DAB1: variants seen among roughly 807,000 people sequenced by gnomAD.
DAB1 encodes the protein DAB adaptor protein 1, also known as disabled homolog 1.
A neutral mutation model predicts 64.6 loss-of-function variants in DAB1; 15 were observed. The ratio of observed to expected loss-of-function variants is 0.23; its 90% CI spans 0.16 to 0.36. The LOEUF (loss-of-function observed/expected upper bound fraction) is 0.36. Ranked by LOEUF, DAB1 falls within the 10% of genes least tolerant of loss-of-function variation. The pLI is 1.00. For missense variants in DAB1, 596 were observed against 706.7 expected, an observed-to-expected ratio of 0.84 and a Z score of 1.78; for synonymous variants, 235 against 251.9, an observed-to-expected ratio of 0.93 and a Z score of 0.64.
chr1:57,249,099 C>T (rs1001717430), intron 2 of DAB1, among the ~76,000 whole-genome samples: 1 of 152,188 alleles, frequency 6.6e-6, no homozygotes, highest in Non-Finnish European at 1.5e-5. Flanking sequence ...CAAGTGTCTA[C>T]TGAAGGCTTT....
chr1:57,820,973 A>C (rs1259277871), intron 6 of DAB1, among the ~76,000 whole-genome samples: 1 of 152,190 alleles, frequency 6.6e-6, no homozygotes, highest in Admixed American at 6.5e-5. Context: ...AGTACTTTAC[A>C]GCTTTTCCTT....
intron 4 of DAB1, among the ~76,000 whole-genome samples, chr1:57,095,752 G>A (rs1654103121): frequency 6.6e-6 from 1 of 152,088 alleles, no homozygotes; most frequent in Non-Finnish European, 1.5e-5. Context: ...TAAATAACGT[G>A]GGAAGTAAGG....
At chr1:57,298,730 A>G (rs1673398828) in intron 1 of DAB1, among the ~76,000 whole-genome samples, 1 of 152,236 alleles carries the variant, frequency 6.6e-6, no homozygotes, top group Non-Finnish European at 1.5e-5. Flanking sequence ...AGAAAGTTGG[A>G]GCAAAGAGAC....
chr1:58,282,629 G>A (rs189239938), intron 4 of DAB1, among the ~76,000 whole-genome samples: 40 of 152,018 alleles, frequency 2.6e-4, no homozygotes, highest in African/African-American at 8.7e-4. Flanking sequence ...AGTGTGGGGT[G>A]GGGAGCAGGC....
At chr1:57,525,442 T>TG in intron 7 of DAB1, among the ~76,000 whole-genome samples, 1 of 74,966 alleles carries the variant, frequency 1.3e-5, no homozygotes, top group Non-Finnish European at 3.2e-5. Flanking sequence ...TTAAGGAAAT[T>TG]GAAAAAAAGG....
intron 4 of DAB1, among the ~76,000 whole-genome samples, chr1:58,187,149 A>G (rs776950737): frequency 6.6e-6 from 1 of 152,138 alleles, no homozygotes; most frequent in African/African-American, 2.4e-5. Context: ...GATGGTGATG[A>G]AAGATTAATC....
intron 1 of DAB1, among the ~76,000 whole-genome samples, chr1:58,539,790 G>T (rs140857109): frequency 2.8e-4 from 43 of 152,258 alleles, no homozygotes; most frequent in African/African-American, 9.6e-4. Context: ...ATTGCCTGGA[G>T]AGTGCTTCCA....
chr1:57,553,442 G>GAAATAA (rs59263518), intron 7 of DAB1, among the ~76,000 whole-genome samples: 1 of 68,154 alleles, frequency 1.5e-5, no homozygotes, highest in Non-Finnish European at 2.8e-5. Flanking sequence ...AAGAAAGAAA[G>GAAATAA]AGAAAGAAAG....
intron 6 of DAB1, among the ~76,000 whole-genome samples, chr1:57,812,084 T>G (rs1651646527): frequency 6.6e-6 from 1 of 152,080 alleles, no homozygotes. Flanking sequence ...TTTCCTCTTC[T>G]GAATGGCAAA....
rs567589976 is a variant in DAB1 at position 57,743,712 on chromosome 1, C to T, written n.552-94047G>A. ...CTCGGTCCAGGAGACCCTAACCCAGCGGCGCTAGAGGAATTAAAGACACAC... is the reference window on the plus strand; with the variant it reads ...CTCGGTCCAGGAGACCCTAACCCAGTGGCGCTAGAGGAATTAAAGACACAC... On this transcript the variant is annotated intron_variant and non_coding_transcript_variant, in intron 6 of 20. Coordinates refer to the DAB1 transcript ENST00000485760. 4.6e-5 allele frequency among the ~76,000 whole-genome samples: 7 copies of T among 152,228 alleles called. 1 individual carries two copies. The highest frequency in any genetic ancestry group is 2.1e-4 in the South Asian group (1 of 4,814).
chr1:58,186,747 T>G (rs1265958007), intron 4 of DAB1, among the ~76,000 whole-genome samples: 2 of 152,214 alleles, frequency 1.3e-5, no homozygotes, highest in Non-Finnish European at 2.9e-5. Context: ...GAGCATTAAC[T>G]GGATATTGGA....
rs566722690 is a variant in DAB1 at position 57,334,048 on chromosome 1, A to G, written c.-136-42882T>C. Reference sequence around the variant, plus strand: ...GAAAGGGAAACCAAAATAGACCCCCAGCCTTGGACTCCCATTCTCTCTCAG... The same window carrying G: ...GAAAGGGAAACCAAAATAGACCCCCGGCCTTGGACTCCCATTCTCTCTCAG... On this transcript the variant is annotated intron_variant, in intron 1 of 14. Coordinates refer to ENST00000371236, the MANE Select transcript of DAB1 (RefSeq NM_001365792.1). Among the ~76,000 whole-genome samples the G allele has an allele frequency of 2.6e-5, 4 of 152,366 alleles. No individual in the cohort carries two copies. In the South Asian group the frequency reaches 8.3e-4, roughly 32 times the overall value.
At chr1:57,233,478 A>C (rs1667855756) in intron 2 of DAB1, among the ~76,000 whole-genome samples, 3 of 151,742 alleles carry the variant, frequency 2.0e-5, no homozygotes, top group Non-Finnish European at 4.4e-5. Context: ...AACCTGCTGC[A>C]GGCCAGGTGC....
intron 2 of DAB1, among the ~76,000 whole-genome samples, chr1:57,258,593 A>G (rs1469423735): frequency 6.6e-6 from 1 of 152,094 alleles, no homozygotes; most frequent in Non-Finnish European, 1.5e-5. Context: ...TCATCCATAA[A>G]TTGCATTACT....
intron 9 of DAB1, among the ~76,000 whole-genome samples, chr1:57,042,038 G>A (rs1647853881): frequency 1.3e-5 from 2 of 152,130 alleles, no homozygotes; most frequent in African/African-American, 4.8e-5. Flanking sequence ...TCATAAGTCA[G>A]AGCAGAGAAA....
chr1:57,567,503 G>A (rs1645137662), intron 7 of DAB1, among the ~76,000 whole-genome samples: 1 of 152,192 alleles, frequency 6.6e-6, no homozygotes, highest in Non-Finnish European at 1.5e-5. Flanking sequence ...GCTTGCAGAT[G>A]ACATCATTGT....
intron 2 of DAB1, among the ~76,000 whole-genome samples, chr1:58,520,075 A>G (rs1157457499): frequency 6.6e-6 from 1 of 152,166 alleles, no homozygotes; most frequent in Non-Finnish European, 1.5e-5. Flanking sequence ...GATGGGAACA[A>G]CAGACACTGG....
At chr1:57,076,305 C>T (rs1651987442) in intron 4 of DAB1, among the ~76,000 whole-genome samples, 1 of 152,156 alleles carries the variant, frequency 6.6e-6, no homozygotes, top group Admixed American at 6.5e-5. Flanking sequence ...TGCCCTCTTC[C>T]ACATTTCCTT....
chr1:58,372,004 G>A (rs1276947703), intron 3 of DAB1, among the ~76,000 whole-genome samples: 3 of 152,228 alleles, frequency 2.0e-5, no homozygotes, highest in Non-Finnish European at 2.9e-5. Flanking sequence ...CAGAAATGTG[G>A]GGTTGGAGCC....
Sources: allele counts gnomAD v4.1 joint callset (sites outside exome capture counted in the v4.1 genomes callset), GRCh38; gene constraint gnomAD v4.1.1; transcripts MANE v1.5; gene names NCBI Gene and HGNC (gene_info 2026-07-23, HGNC 2026-07-21).